Variants in CNTN5 observed in about 807,000 individuals in gnomAD.
CNTN5 encodes the protein contactin-5.
CNTN5 carries 77 observed loss-of-function variants against 129.1 expected under a neutral mutation model. The ratio of observed to expected loss-of-function variants is 0.60; its 90% CI spans 0.50 to 0.72. The LOEUF (loss-of-function observed/expected upper bound fraction) is 0.72. Ranked by LOEUF, CNTN5 falls within the 30% of genes least tolerant of loss-of-function variation. CNTN5 has a pLI of 0.00. For synonymous variants in CNTN5, 509 were observed against 465.6 expected (o/e 1.09, Z -1.20); for missense variants, 1,478 against 1,328.8 (o/e 1.11, Z -1.75).
chr11:100,070,043 C>A (rs564968576), intron 10 of CNTN5, among the ~76,000 whole-genome samples: 2 of 151,686 alleles, frequency 1.3e-5, no homozygotes, highest in African/African-American at 4.8e-5. Flanking sequence ...TGAGTAGATA[C>A]ACTGTATATT....
At chr11:100,020,555 A>G (rs1403227127) in intron 9 of CNTN5, among the ~76,000 whole-genome samples, 1 of 152,092 alleles carries the variant, frequency 6.6e-6, no homozygotes, top group Non-Finnish European at 1.5e-5. Context: ...TTCTGAGATC[A>G]GGAAGTATAA....
At chr11:99,754,985 C>T (rs1222448220) in intron 3 of CNTN5, among the ~76,000 whole-genome samples, 4 of 152,128 alleles carry the variant, frequency 2.6e-5, no homozygotes, top group Non-Finnish European at 5.9e-5. Flanking sequence ...TTTGCCTTTT[C>T]CAGAATGTAT....
chr11:100,102,282 C>T (rs1199378226), intron 13 of CNTN5, among the ~76,000 whole-genome samples: 1 of 151,730 alleles, frequency 6.6e-6, no homozygotes, highest in African/African-American at 2.4e-5. Context: ...GATGGTATCT[C>T]ATTGTGGTTT....
intron 3 of CNTN5, among the ~76,000 whole-genome samples, chr11:99,575,471 A>C (rs187569629): frequency 6.6e-6 from 1 of 152,298 alleles, no homozygotes; most frequent in Admixed American, 6.5e-5. Flanking sequence ...ATGTTTACTA[A>C]GTGACAGAAA....
At chr11:99,446,703 T>C (rs1944087234) in intron 2 of CNTN5, among the ~76,000 whole-genome samples, 1 of 152,234 alleles carries the variant, frequency 6.6e-6, no homozygotes, top group Non-Finnish European at 1.5e-5. Context: ...TGTAGTCTTC[T>C]TTACATTGAT....
chr11:99,525,629 G>T (rs183262319), intron 2 of CNTN5, among the ~76,000 whole-genome samples: 62 of 152,346 alleles, frequency 4.1e-4, no homozygotes, highest in African/African-American at 1.4e-3. Flanking sequence ...GGTAATAGCT[G>T]CAAGCTACAA....
intron 3 of CNTN5, among the ~76,000 whole-genome samples, chr11:99,648,908 A>G (rs1181924649): frequency 2.6e-5 from 4 of 151,754 alleles, no homozygotes; most frequent in African/African-American, 4.8e-5. Flanking sequence ...AATGGTAGGA[A>G]GAAGCAGGGA....
chr11:99,319,290 G>T (rs973250603), intron 1 of CNTN5, among the ~76,000 whole-genome samples: 1 of 152,142 alleles, frequency 6.6e-6, no homozygotes, highest in African/African-American at 2.4e-5. Context: ...TGTGTCAAAT[G>T]ATATGGCCAA....
intron 1 of CNTN5, among the ~76,000 whole-genome samples, chr11:99,188,871 C>T (rs909402056): frequency 6.6e-6 from 1 of 151,670 alleles, no homozygotes; most frequent in Non-Finnish European, 1.5e-5. Flanking sequence ...CAGTTTTCTA[C>T]TCTCTTAGGA....
At chr11:100,018,900 C>T (rs902947381) in intron 9 of CNTN5, among the ~76,000 whole-genome samples, 6 of 151,746 alleles carry the variant, frequency 4.0e-5, no homozygotes, top group Non-Finnish European at 7.4e-5. Flanking sequence ...GTTGGATTCC[C>T]CAGTGACTAA....
At position 99,189,993 on chromosome 11, in the gene CNTN5, A is replaced by G. The variant is rs190579468; in HGVS notation, c.-209-135353A>G. 3.6e-4 allele frequency among the ~76,000 whole-genome samples: 55 copies of G among 151,754 alleles called. No individual in the cohort carries two copies. In the East Asian group the frequency reaches 7.1e-3, roughly 20 times the overall value. ...AAAAAATATTGTCTAGACCAATGTC[A>G]TGAAACTTTTCCCTGTATTTTTCTA... On this transcript the variant is annotated intron_variant, in intron 1 of 24. Transcript: ENST00000524871.
At chr11:99,773,750 C>T (rs1383086783) in intron 3 of CNTN5, among the ~76,000 whole-genome samples, 4 of 151,904 alleles carry the variant, frequency 2.6e-5, no homozygotes, top group Non-Finnish European at 4.4e-5. Context: ...TATGATTTTC[C>T]TTGTAAAACT....
intron 2 of CNTN5, among the ~76,000 whole-genome samples, chr11:99,376,632 A>G (rs1285736906): frequency 1.3e-5 from 2 of 152,202 alleles, no homozygotes; most frequent in Admixed American, 1.3e-4. Context: ...AGAATCCTGT[A>G]CTTATGCCAA....
chr11:99,779,258 ATAAT>A (rs550379099), intron 3 of CNTN5, among the ~76,000 whole-genome samples: 54 of 152,120 alleles, frequency 3.5e-4, no homozygotes, highest in African/African-American at 1.1e-3. Context: ...AAGAAATAAA[ATAAT>A]TAAATGTATA....
intron 2 of CNTN5, among the ~76,000 whole-genome samples, chr11:99,437,419 C>T (rs1943641861): frequency 6.6e-6 from 1 of 151,986 alleles, no homozygotes; most frequent in African/African-American, 2.4e-5. Flanking sequence ...ATTGTAGAGA[C>T]TAAGAAAGTC....
chr11:99,382,499 C>T (rs576588167), intron 2 of CNTN5, among the ~76,000 whole-genome samples: 1 of 152,278 alleles, frequency 6.6e-6, no homozygotes, highest in South Asian at 2.1e-4. Flanking sequence ...ATGTGATTTA[C>T]AGTCACAATA....
chr11:100,204,530 C>CAGT (rs1565340853), intron 15 of CNTN5, among the ~76,000 whole-genome samples: 1 of 150,048 alleles, frequency 6.7e-6, no homozygotes, highest in Non-Finnish European at 1.5e-5. Flanking sequence ...GGCTAAAGTA[C>CAGT]AGTAGTACAA....
chr11:99,317,424 G>T (rs1473352696), intron 1 of CNTN5, among the ~76,000 whole-genome samples: 1 of 152,144 alleles, frequency 6.6e-6, no homozygotes, highest in Non-Finnish European at 1.5e-5. Context: ...TAATGGCAGA[G>T]CTTCAAGCCA....
At chr11:100,076,366 A>G (rs1944126106) in intron 13 of CNTN5, among the ~76,000 whole-genome samples, 1 of 152,132 alleles carries the variant, frequency 6.6e-6, no homozygotes, top group East Asian at 1.9e-4. Flanking sequence ...CTGTTGAAAA[A>G]TGACACATGG....
Sources: gnomAD v4.1 joint callset for allele counts (sites outside exome capture counted in the v4.1 genomes callset) on GRCh38, gnomAD v4.1.1 for gene constraint, MANE v1.5 for transcripts, NCBI Gene and HGNC (gene_info 2026-07-23, HGNC 2026-07-21) for gene names.